Variants in GJC3 observed in about 807,000 individuals in gnomAD.
GJC3 encodes the protein gap junction protein gamma 3, also known as gap junction gamma-3 protein.
GJC3 carries 17 observed loss-of-function variants against 19.8 expected under a neutral mutation model. The ratio of observed to expected loss-of-function variants is 0.86; its 90% CI spans 0.59 to 1.29. GJC3 has a LOEUF of 1.29. Among genes scored for constraint, GJC3 ranks in the 50% most tolerant of loss-of-function variants. The pLI is 0.00. For synonymous variants in GJC3, 140 were observed against 136.5 expected (o/e 1.03, Z -0.18); for missense variants, 317 against 332.5 (o/e 0.95, Z 0.36).
At chr7:99,927,752 T>G (rs1037117086) in intron 1 of GJC3, among the ~76,000 whole-genome samples, 5 of 152,324 alleles carry the variant, frequency 3.3e-5, no homozygotes, top group East Asian at 1.9e-4. Context: ...TCAGCCTCCC[T>G]TGCTGTTACT....
intron 1 of GJC3, among the ~76,000 whole-genome samples, chr7:99,927,488 A>AT (rs2096678144): frequency 2.0e-5 from 3 of 152,110 alleles, no homozygotes; most frequent in Admixed American, 6.5e-5. Context: ...AGAAAAAAAA[A>AT]ATTTCCTAGC....
Position 99,923,389 on chromosome 7 carries a change from G to A in GJC3, c.*156C>T, listed in dbSNP as rs1584279788. ...GGCTTTTATTAGTCTGGTTAGCTGA[G>A]TCATTGTATGTAGAGGTGGAGTCAA... On this transcript the variant is annotated 3_prime_UTR_variant, in exon 2 of 2. Coordinates refer to ENST00000312891, the MANE Select transcript of GJC3 (RefSeq NM_181538.3). 10 of 724,726 alleles carry A rather than the reference G, an allele frequency of 1.4e-5. No homozygotes were observed. The highest frequency in any genetic ancestry group is 7.4e-4 in the Middle Eastern group (2 of 2,706). The allele number at this position is 724,726 out of a possible 1,614,324, so 44.9% of individuals were successfully genotyped here.
intron 1 of GJC3, among the ~76,000 whole-genome samples, chr7:99,924,256 C>G (rs765930293): frequency 1.8e-4 from 28 of 152,144 alleles, no homozygotes; most frequent in Non-Finnish European, 3.1e-4. Context: ...CCCTATTTTA[C>G]TGTTTAGTGG....
At position 99,928,912 on chromosome 7, in the gene GJC3, TC is replaced by T. The variant is rs1403901672; in HGVS notation, c.708del (p.Ser237AlafsTer30). ...SSSSKYFLTS[E>X]STRRHKKATD... The stretch of plus-strand genomic sequence containing the variant: ...GTTGCTTTCTTGTGTCTTCTGGTGC[TC>T]TCTGAAGTTAGGAAGTATTTAGAAG... On this transcript the variant is annotated frameshift_variant, in exon 1 of 2. Transcript: ENST00000312891. LOFTEE classifies it high-confidence loss of function. The T allele has an allele frequency of 6.2e-7, 1 of 1,614,174 alleles. No homozygotes were observed. The highest frequency in any genetic ancestry group is 1.7e-5 in the Admixed American group (1 of 60,020).
rs781712005 is a variant in GJC3, at chr7:99,929,120, A to C, written c.501T>G (p.Phe167Leu). The part of the protein sequence containing the change: ...HLYGFQMPSS[F>L]ACRREPCLGS... ...CAAGGCAAGGTTCTCGGCGACATGC[A>C]AAGGAGCTGGGCATCTGGAACCCAT... The change falls in exon 1 of 2, where the codon TTT (phenylalanine) becomes TTG (leucine). Residue 167 changes from phenylalanine to leucine, a missense_variant. Phe to Leu is a conservative substitution (Grantham distance 22, BLOSUM62 0). Coordinates refer to ENST00000312891, the MANE Select transcript of GJC3 (RefSeq NM_181538.3). 1.1e-5 allele frequency: 17 copies of C among 1,613,930 alleles called. No homozygotes were observed. In the South Asian group the frequency reaches 1.6e-4, roughly 16 times the overall value.
chr7:99,923,547 A>G lies in GJC3; in HGVS notation c.838T>C (p.Ter280ArgextTer30), dbSNP rs774314397. The change falls in exon 2 of 2, where the codon TGA (stop) becomes CGA (arginine). Residue 280 changes from the stop codon to arginine, a stop_lost. Coordinates refer to ENST00000312891, the MANE Select transcript of GJC3 (RefSeq NM_181538.3). ...KQRPVGPRDA[*>R] The stretch of plus-strand genomic sequence containing the variant: ...GTTGGCCAAAGTTCATCTCCAACTC[A>G]GGCATCTCTGGGTCCAACTGGTCTT... The G allele has an allele frequency of 7.7e-6, 6 of 780,928 alleles. No individual in the cohort carries two copies. The South Asian group carries it at 8.0e-5, about 10-fold the overall frequency. The allele number at this position is 780,928 out of a possible 1,614,324, so 48.4% of individuals were successfully genotyped here.
At position 99,929,574 on chromosome 7, in the gene GJC3, C is replaced by T. The variant is rs369042002; in HGVS notation, c.47G>A (p.Arg16His). Reference protein sequence around the residue: ...LRRLLAEESRRSTPVGRLLLP... With the variant: ...LRRLLAEESRHSTPVGRLLLP... ...CAAGAGGCGCCCCACGGGGGTGGAG[C>T]GCCGGCTCTCCTCCGCCAGCAGCCG... The change falls in exon 1 of 2, where the codon CGC becomes CAC. Residue 16 changes from arginine (R) to histidine (H), a missense_variant. By Grantham distance (29) the Arg-to-His change is conservative. Coordinates refer to ENST00000312891, the MANE Select transcript of GJC3 (RefSeq NM_181538.3). 1.5e-4 allele frequency: 246 copies of T among 1,611,242 alleles called. No individual in the cohort carries two copies. Among genetic ancestry groups the T allele is most frequent in the Non-Finnish European group, 2.0e-4 (231 of 1,179,708 alleles).
Position 99,923,574 on chromosome 7 carries a change from GT to G in GJC3, c.810del (p.Lys270AsnfsTer96), listed in dbSNP as rs1490701826. 1.3e-6 allele frequency: 1 copy of G among 781,032 alleles called. No homozygotes were observed. Among genetic ancestry groups the G allele is most frequent in the Non-Finnish European group, 2.4e-6 (1 of 418,112 alleles). The allele number at this position is 781,032 out of a possible 1,614,324, so 48.4% of individuals were successfully genotyped here. A position where few individuals can be genotyped will look rare whatever the true frequency, so the allele number is the denominator to read the frequency against. The part of the protein sequence containing the change: ...AVPGRSLAQE[K>X]QRPVGPRDA The stretch of plus-strand genomic sequence containing the variant: ...GCATCTCTGGGTCCAACTGGTCTTT[GT>G]TTTTCCTGGGCTAAGCTTCTTCCTG... On this transcript the variant is annotated frameshift_variant, in exon 2 of 2. Transcript: ENST00000312891. LOFTEE classifies it high-confidence loss of function.
At chr7:99,926,769 C>T (rs572994428) in intron 1 of GJC3, among the ~76,000 whole-genome samples, 1 of 152,206 alleles carries the variant, frequency 6.6e-6, no homozygotes, top group East Asian at 1.9e-4. Context: ...TCTGAATATA[C>T]TAAAGGCTAT....
At chr7:99,929,633 C>G (rs201542278), upstream of GJC3, 5 of 1,594,592 alleles carry the variant, frequency 3.1e-6, no homozygotes, top group South Asian at 1.1e-5. Context: ...TGTTTTGGAG[C>G]AGAGGACAAG....
chr7:99,927,738 G>A (rs1459766450), intron 1 of GJC3, among the ~76,000 whole-genome samples: 1 of 152,162 alleles, frequency 6.6e-6, no homozygotes, highest in Non-Finnish European at 1.5e-5. Context: ...ATCACACTGT[G>A]ATGTCAGCCT....
At chr7:99,924,253 T>G (rs1194912547) in intron 1 of GJC3, among the ~76,000 whole-genome samples, 1 of 152,170 alleles carries the variant, frequency 6.6e-6, no homozygotes, top group East Asian at 1.9e-4. Flanking sequence ...TCCCCCTATT[T>G]TACTGTTTAG....
upstream of GJC3, among the ~76,000 whole-genome samples, chr7:99,930,176 C>G (rs1819875777): frequency 6.6e-6 from 1 of 152,152 alleles, no homozygotes; most frequent in African/African-American, 2.4e-5. Flanking sequence ...GTCCTCTTCT[C>G]CCATCACAGT....
intron 1 of GJC3, 89 bp downstream of exon 1, chr7:99,928,751 G>A: frequency 1.6e-6 from 2 of 1,251,292 alleles, no homozygotes; most frequent in Non-Finnish European, 2.3e-6. Context: ...TGCAGAAGTT[G>A]TACTTCCCAG....
At chr7:99,928,615 A>T (rs888991552) in intron 1 of GJC3, among the ~76,000 whole-genome samples, 1 of 152,268 alleles carries the variant, frequency 6.6e-6, no homozygotes, top group Admixed American at 6.5e-5. Context: ...GTTCGCTGGA[A>T]GGAACCATCA....
chr7:99,929,665 C>G (rs1018112460), upstream of GJC3: 1 of 1,550,222 alleles, frequency 6.5e-7, no homozygotes, highest in Non-Finnish European at 8.7e-7. Flanking sequence ...GTTCACTGTC[C>G]TTCAGAGGGA....
At chr7:99,930,253 C>T (rs1230496160), upstream of GJC3, among the ~76,000 whole-genome samples, 1 of 152,100 alleles carries the variant, frequency 6.6e-6, no homozygotes, top group Non-Finnish European at 1.5e-5. Context: ...GAGCAAGCAT[C>T]GAGGCTTGCT....
intron 1 of GJC3, among the ~76,000 whole-genome samples, chr7:99,925,525 G>C (rs1401155324): frequency 6.6e-6 from 1 of 152,036 alleles, no homozygotes; most frequent in Non-Finnish European, 1.5e-5. Context: ...AGCAACAAAA[G>C]AAAAAATTGG....
intron 1 of GJC3, among the ~76,000 whole-genome samples, chr7:99,926,214 G>C (rs1157486756): frequency 6.6e-6 from 1 of 151,970 alleles, no homozygotes; most frequent in Non-Finnish European, 1.5e-5. Flanking sequence ...CGCACCTGTA[G>C]TCCCAGGTAC....
Sources: allele counts gnomAD v4.1 joint callset (sites outside exome capture counted in the v4.1 genomes callset), GRCh38; gene constraint gnomAD v4.1.1; transcripts MANE v1.5; gene names NCBI Gene and HGNC (gene_info 2026-07-23, HGNC 2026-07-21).